Variants in PDZD8 observed in about 807,000 individuals in gnomAD.
PDZD8 encodes PDZ domain containing 8.
Under a neutral mutation model 85.8 loss-of-function variants are expected in PDZD8, and 14 were observed. That is an observed-to-expected ratio of 0.16 (90% CI 0.11 to 0.26). The LOEUF is 0.26. Ranked by LOEUF, PDZD8 falls within the 10% of genes least tolerant of loss-of-function variation. The pLI is 1.00. For missense variants in PDZD8, 1,197 were observed against 1,424.3 expected, an observed-to-expected ratio of 0.84 and a Z score of 2.57; for synonymous variants, 592 against 568.6, an observed-to-expected ratio of 1.04 and a Z score of -0.59.
intron 1 of PDZD8, among the ~76,000 whole-genome samples, chr10:117,356,384 A>G (rs1355458005): frequency 6.6e-6 from 1 of 152,214 alleles, no homozygotes; most frequent in Non-Finnish European, 1.5e-5. Context: ...CTAAAGCAAG[A>G]CACACGAATA....
At chr10:117,357,382 G>A (rs1449167984) in intron 1 of PDZD8, among the ~76,000 whole-genome samples, 1 of 151,726 alleles carries the variant, frequency 6.6e-6, no homozygotes, top group Non-Finnish European at 1.5e-5. Flanking sequence ...GTGACAATGA[G>A]ACCCTCTCTC....
intron 1 of PDZD8, among the ~76,000 whole-genome samples, chr10:117,368,855 T>TC (rs1845136530): frequency 7.8e-6 from 1 of 128,628 alleles, no homozygotes; most frequent in Non-Finnish European, 1.8e-5. Flanking sequence ...GACAATGTTT[T>TC]TTTTTTTTTT....
intron 1 of PDZD8, among the ~76,000 whole-genome samples, chr10:117,361,294 A>G (rs1242120035): frequency 6.6e-6 from 1 of 152,164 alleles, no homozygotes; most frequent in Non-Finnish European, 1.5e-5. Context: ...TACTTTAAGT[A>G]TATTTTCTTA....
At chr10:117,360,887 T>C (rs572561168) in intron 1 of PDZD8, among the ~76,000 whole-genome samples, 18 of 152,158 alleles carry the variant, frequency 1.2e-4, no homozygotes, top group African/African-American at 3.9e-4. Flanking sequence ...ATTTTGTTCT[T>C]AGGACTCCTA....
chr10:117,328,369 C>T (rs557221852), intron 2 of PDZD8, among the ~76,000 whole-genome samples: 6 of 152,078 alleles, frequency 3.9e-5, no homozygotes, highest in African/African-American at 1.4e-4. Context: ...ATATTCCCCC[C>T]TCCCCTGCAT....
intron 1 of PDZD8, among the ~76,000 whole-genome samples, chr10:117,355,147 G>A (rs1424687501): frequency 6.6e-6 from 1 of 152,008 alleles, no homozygotes. Context: ...CATACACAAG[G>A]CTCCTCTATA....
At chr10:117,356,290 AT>A (rs1356876493) in intron 1 of PDZD8, among the ~76,000 whole-genome samples, 1 of 152,160 alleles carries the variant, frequency 6.6e-6, no homozygotes, top group African/African-American at 2.4e-5. Flanking sequence ...ATGCTGAGAC[AT>A]TTGTGACATA....
chr10:117,285,500 T>G, intron 4 of PDZD8, 29 bp from the exon 5 acceptor site: 1 of 1,519,750 alleles, frequency 6.6e-7, no homozygotes, highest in South Asian at 1.3e-5. Context: ...AGGGAAAACA[T>G]GTAAATTATT....
rs1844730899 is a variant in PDZD8 at position 117,290,113 on chromosome 10, G to A, written c.1261+73C>T. 4.5e-6 allele frequency: 6 copies of A among 1,321,632 alleles called. No individual in the cohort carries two copies. In the South Asian group the frequency reaches 1.1e-4, roughly 24 times the overall value. 81.9% of individuals were successfully genotyped at this position (1,321,632 alleles called of 1,614,324 possible). The stretch of plus-strand genomic sequence containing the variant: ...TATTATAGAAATAAGGAAAAAGGAA[G>A]AAAGGAAAAACCTCACACCTACTTT... On this transcript the variant is annotated intron_variant, in intron 4 of 4. Transcript: ENST00000334464.
intron 3 of PDZD8, among the ~76,000 whole-genome samples, chr10:117,305,603 T>A (rs561420816): frequency 6.6e-6 from 1 of 151,956 alleles, no homozygotes; most frequent in Admixed American, 6.5e-5. Flanking sequence ...ATGTTGAGGA[T>A]CCCAAATCTG....
intron 4 of PDZD8, among the ~76,000 whole-genome samples, chr10:117,289,593 TAAC>T (rs1476311518): frequency 6.6e-6 from 1 of 152,192 alleles, no homozygotes; most frequent in Non-Finnish European, 1.5e-5. Flanking sequence ...TTTTTACTGT[TAAC>T]AATCCAAGTG....
rs368514233 is a variant in PDZD8 at position 117,375,162 on chromosome 10, C to T, written c.66G>A (p.Gln22=). The change falls in exon 1 of 5, where the codon CAG becomes CAA. Residue 22 remains glutamine (Q), a synonymous_variant. Coordinates refer to ENST00000334464, the MANE Select transcript of PDZD8 (RefSeq NM_173791.5). ...VLGSFLTLLA[Q]FFLLYRRQPE... ...GCTGTCTGCGGTACAGCAGGAAGAA[C>T]TGGGCGAGGAGCGTGAGGAAGGAAC... 2 of 1,586,660 alleles carry T rather than the reference C, an allele frequency of 1.3e-6. No homozygotes were observed. The highest frequency in any genetic ancestry group is 1.3e-5 in the African/African-American group (1 of 74,526).
chr10:117,299,838 G>A (rs1294486683), intron 3 of PDZD8, among the ~76,000 whole-genome samples: 2 of 151,932 alleles, frequency 1.3e-5, no homozygotes, highest in Non-Finnish European at 2.9e-5. Flanking sequence ...TTCTTGGTTT[G>A]GATCCATTGC....
chr10:117,359,029 C>T (rs1026004291), intron 1 of PDZD8, among the ~76,000 whole-genome samples: 4 of 151,880 alleles, frequency 2.6e-5, no homozygotes, highest in Admixed American at 2.6e-4. Flanking sequence ...CTTCAGATTC[C>T]ATGTGGTGAT....
At chr10:117,293,514 C>G (rs1844803326) in intron 3 of PDZD8, among the ~76,000 whole-genome samples, 1 of 151,938 alleles carries the variant, frequency 6.6e-6, no homozygotes, top group Non-Finnish European at 1.5e-5. Flanking sequence ...TACAAAAGTA[C>G]AGAGAACAGT....
intron 1 of PDZD8, among the ~76,000 whole-genome samples, chr10:117,368,966 A>G (rs1026966747): frequency 2.8e-5 from 4 of 142,678 alleles, no homozygotes; most frequent in African/African-American, 1.1e-4. Flanking sequence ...AGCAATTCTC[A>G]TGCCTCAGCA....
chr10:117,283,155 A>G lies in PDZD8; in HGVS notation c.*113T>C. 1 of 1,063,654 alleles carries G rather than the reference A, an allele frequency of 9.4e-7. No individual in the cohort carries two copies. Among genetic ancestry groups the G allele is most frequent in the South Asian group, 1.8e-5 (1 of 54,318 alleles). 65.9% of individuals were successfully genotyped at this position (1,063,654 alleles called of 1,614,324 possible). A position where few individuals can be genotyped will look rare whatever the true frequency, so the allele number is the denominator to read the frequency against. On this transcript the variant is annotated 3_prime_UTR_variant, in exon 5 of 5. Coordinates refer to ENST00000334464, the MANE Select transcript of PDZD8 (RefSeq NM_173791.5). ...TCTCATTTTTGTTCTTACACAAGCA[A>G]GTAACTGGAGAAGCAGGCCAGAGTG...
Position 117,284,505 on chromosome 10 carries a change from C to A in PDZD8, c.2228G>T (p.Cys743Phe). Residue 743 changes from cysteine to phenylalanine, a missense_variant, in exon 5 of 5, where the codon TGC becomes TTC. Cys to Phe is a radical substitution (Grantham distance 205). Coordinates refer to ENST00000334464, the MANE Select transcript of PDZD8 (RefSeq NM_173791.5). ...GTATTCCGTGTTTGATGTAGCTAGG[C>A]ATCCTAAAGCCACATCTTCAAGTTT... ...SLKLEDVALG[C>F]LATSNTEYLS... The A allele has an allele frequency of 2.5e-6, 4 of 1,614,142 alleles. No individual in the cohort carries two copies. The highest frequency in any genetic ancestry group is 3.4e-6 in the Non-Finnish European group (4 of 1,180,018).
intron 4 of PDZD8, among the ~76,000 whole-genome samples, chr10:117,287,957 C>T (rs900830510): frequency 6.6e-6 from 1 of 152,200 alleles, no homozygotes; most frequent in African/African-American, 2.4e-5. Context: ...TAATGATCTA[C>T]AGTAGGCAAA....
Sources: gnomAD v4.1 joint callset for allele counts (sites outside exome capture counted in the v4.1 genomes callset) on GRCh38, gnomAD v4.1.1 for gene constraint, MANE v1.5 for transcripts, NCBI Gene and HGNC (gene_info 2026-07-23, HGNC 2026-07-21) for gene names.